Variants in CCDC33 observed in about 807,000 individuals in gnomAD.
The protein encoded by CCDC33 is coiled-coil domain-containing protein 33.
In CCDC33, 94 loss-of-function variants were observed where a neutral mutation model predicts 91.9. The ratio of observed to expected loss-of-function variants is 1.02; its 90% CI spans 0.87 to 1.21. The LOEUF (loss-of-function observed/expected upper bound fraction) is 1.21, where lower values mean the gene tolerates loss of function less well. Among genes scored for constraint, CCDC33 ranks in the 50% most tolerant of loss-of-function variants. CCDC33 has a pLI of 0.00. For missense variants in CCDC33, 940 were observed against 935.5 expected (o/e 1.00, Z -0.06); for synonymous variants, 396 against 374.5 (o/e 1.06, Z -0.66).
intron 11 of CCDC33, chr15:74,318,618 C>A: frequency 1.3e-6 from 1 of 752,304 alleles, no homozygotes; most frequent in East Asian, 2.6e-5. Flanking sequence ...CCATCCCCTC[C>A]AGCCCCCAAG....
chr15:74,259,447 C>G (rs971986611), intron 2 of CCDC33, among the ~76,000 whole-genome samples: 1 of 152,124 alleles, frequency 6.6e-6, no homozygotes, highest in Non-Finnish European at 1.5e-5. Flanking sequence ...AGAATAGCAT[C>G]AAGACCCGGA....
At chr15:74,229,182 AT>A (rs922047129) in intron 2 of CCDC33, among the ~76,000 whole-genome samples, 1 of 151,982 alleles carries the variant, frequency 6.6e-6, no homozygotes, top group African/African-American at 2.4e-5. Flanking sequence ...GCTTGCCTCC[AT>A]TTTCTTATCT....
At chr15:74,279,884 A>G (rs1449716108) in intron 7 of CCDC33, 79 bp from the exon 8 acceptor site, 2 of 1,540,830 alleles carry the variant, frequency 1.3e-6, no homozygotes, top group African/African-American at 1.4e-5. Flanking sequence ...ATCTAGATAC[A>G]CAAAACCAAA....
chr15:74,233,164 T>C (rs1437608918), upstream of CCDC33, among the ~76,000 whole-genome samples: 1 of 152,216 alleles, frequency 6.6e-6, no homozygotes, highest in East Asian at 1.9e-4. Flanking sequence ...GTCCTCCTGG[T>C]CCACAGCAAC....
At chr15:74,317,396 G>A (rs1305409473) in intron 11 of CCDC33, among the ~76,000 whole-genome samples, 1 of 152,136 alleles carries the variant, frequency 6.6e-6, no homozygotes, top group Non-Finnish European at 1.5e-5. Context: ...AAGAAAAAGA[G>A]TAAGTGAAAC....
At chr15:74,263,886 C>T (rs953265515) in intron 3 of CCDC33, among the ~76,000 whole-genome samples, 1 of 151,932 alleles carries the variant, frequency 6.6e-6, no homozygotes, top group Non-Finnish European at 1.5e-5. Flanking sequence ...ATGTATAGAT[C>T]GTGTGTGTGG....
intron 2 of CCDC33, among the ~76,000 whole-genome samples, chr15:74,249,048 G>T (rs2075622395): frequency 6.6e-6 from 1 of 152,086 alleles, no homozygotes; most frequent in South Asian, 2.1e-4. Flanking sequence ...GATAGCCAAC[G>T]CCTGCTTGTC....
intron 11 of CCDC33, among the ~76,000 whole-genome samples, chr15:74,314,719 G>C (rs1278972817): frequency 1.3e-5 from 2 of 152,226 alleles, no homozygotes; most frequent in Non-Finnish European, 2.9e-5. Context: ...GAGGGGTACA[G>C]TTCCATTTGT....
upstream of CCDC33, among the ~76,000 whole-genome samples, chr15:74,216,417 C>T (rs1374547613): frequency 6.6e-6 from 1 of 150,744 alleles, no homozygotes; most frequent in Non-Finnish European, 1.5e-5. Flanking sequence ...ACTTACAAGT[C>T]AGGCGACTAG....
intron 3 of CCDC33, among the ~76,000 whole-genome samples, chr15:74,265,698 A>G (rs976457105): frequency 6.6e-6 from 1 of 152,236 alleles, no homozygotes; most frequent in Non-Finnish European, 1.5e-5. Context: ...CAGGACTGTC[A>G]TGATTATTTA....
chr15:74,266,859 C>G, intron 4 of CCDC33, 72 bp downstream of exon 4: 2 of 1,166,976 alleles, frequency 1.7e-6, no homozygotes, highest in South Asian at 1.2e-5. Flanking sequence ...GCTATTCCCT[C>G]GGAGCAGCCC....
chr15:74,217,486 C>T (rs1429330157), exon 1 of CCDC33: 1 of 1,289,620 alleles, frequency 7.8e-7, no homozygotes, highest in Non-Finnish European at 1.0e-6. Context: ...GACCCCTTCC[C>T]TGCCTGCTCT....
At chr15:74,281,672 T>C in intron 9 of CCDC33, 106 bp from the exon 10 acceptor site, 1 of 1,015,992 alleles carries the variant, frequency 9.8e-7, no homozygotes, top group Non-Finnish European at 1.5e-6. Context: ...CCCTCCTGGG[T>C]GCAGCCCGCA....
intron 7 of CCDC33, among the ~76,000 whole-genome samples, chr15:74,279,328 T>C (rs1451514262): frequency 1.3e-5 from 2 of 152,060 alleles, no homozygotes; most frequent in Non-Finnish European, 2.9e-5. Context: ...TCTGCTTAGG[T>C]TTTACTGGCA....
At chr15:74,335,232 C>A in intron 18 of CCDC33, 144 bp downstream of exon 18, 1 of 773,670 alleles carries the variant, frequency 1.3e-6, no homozygotes, top group Non-Finnish European at 2.4e-6. Context: ...GCTCCCATTC[C>A]TGCTCCATTA....
rs2075161402 is a variant in CCDC33, at chr15:74,236,508, G to A, written c.-212G>A. The A allele has an allele frequency of 2.8e-6, 1 of 357,298 alleles. No individual in the cohort carries two copies. The highest frequency in any genetic ancestry group is 4.0e-5 in the Admixed American group (1 of 24,734). The allele number at this position is 357,298 out of a possible 1,614,324, so 22.1% of individuals were successfully genotyped here. A position where few individuals can be genotyped will look rare whatever the true frequency, so the allele number is the denominator to read the frequency against. On this transcript the variant is annotated 5_prime_UTR_variant, in exon 1 of 19. Coordinates refer to ENST00000398814, the MANE Select transcript of CCDC33 (RefSeq NM_025055.5). ...AGAGATCCAGGACCTGCTCCCACCTGGCCACCCTCCCCCTCCCCCCACATC... is the reference window on the plus strand; with the variant it reads ...AGAGATCCAGGACCTGCTCCCACCTAGCCACCCTCCCCCTCCCCCCACATC...
At chr15:74,236,991 C>G (rs532770094) in intron 1 of CCDC33, among the ~76,000 whole-genome samples, 5 of 152,336 alleles carry the variant, frequency 3.3e-5, no homozygotes, top group African/African-American at 1.2e-4. Flanking sequence ...CCACCCTTAC[C>G]TGGTTGTTTC....
intron 11 of CCDC33, among the ~76,000 whole-genome samples, chr15:74,298,032 G>T (rs1413004909): frequency 1.3e-5 from 2 of 152,248 alleles, no homozygotes; most frequent in African/African-American, 4.8e-5. Flanking sequence ...CAACCAAGGA[G>T]GGGGAAGTAC....
rs1224079626 is a variant in CCDC33, at chr15:74,334,963, CTG to C, written c.2026-8_2026-7del. On this transcript the variant is annotated splice_polypyrimidine_tract_variant and intron_variant, in intron 17 of 18. Coordinates refer to ENST00000398814, the MANE Select transcript of CCDC33 (RefSeq NM_025055.5). ...CCCATGGTCCTCCAATTGTCCCTCT[CTG>C]TGTCTGCAGTTAGAGGACTCAGCTC... 1 of 1,602,722 alleles carries C rather than the reference CTG, an allele frequency of 6.2e-7. No homozygotes were observed. The highest frequency in any genetic ancestry group is 1.7e-5 in the Admixed American group (1 of 60,000).
Sources: gnomAD v4.1 joint callset for allele counts (sites outside exome capture counted in the v4.1 genomes callset) on GRCh38, gnomAD v4.1.1 for gene constraint, MANE v1.5 for transcripts, NCBI Gene and HGNC (gene_info 2026-07-23, HGNC 2026-07-21) for gene names.